Variants in RB1 observed in about 807,000 individuals in gnomAD.
RB1 encodes RB transcriptional corepressor 1, also known as retinoblastoma-associated protein.
In RB1, 18 loss-of-function variants were observed where a neutral mutation model predicts 135.4. The ratio of observed to expected loss-of-function variants is 0.13; its 90% CI spans 0.09 to 0.20. The LOEUF (loss-of-function observed/expected upper bound fraction) is 0.20. Among genes scored for constraint, RB1 ranks in the 10% least tolerant of loss-of-function variants. RB1 has a pLI of 1.00. For synonymous variants in RB1, 365 were observed against 373.2 expected, an observed-to-expected ratio of 0.98 and a Z score of 0.25; for missense variants, 868 against 1,110.0, an observed-to-expected ratio of 0.78 and a Z score of 3.10.
chr13:48,334,906 A>G (rs1483772109), intron 2 of RB1, among the ~76,000 whole-genome samples: 1 of 152,040 alleles, frequency 6.6e-6, no homozygotes, highest in Non-Finnish European at 1.5e-5. Context: ...TAAAATTTTG[A>G]TAAAGATTTT....
intron 10 of RB1, 91 bp downstream of exon 10, chr13:48,367,694 T>C (rs766872917): frequency 1.3e-5 from 19 of 1,415,306 alleles, no homozygotes; most frequent in Non-Finnish European, 1.8e-5. Context: ...TAGTGACCTT[T>C]AGATATCATT....
chr13:48,335,224 G>GT (rs1952372596), intron 2 of RB1, among the ~76,000 whole-genome samples: 1 of 151,778 alleles, frequency 6.6e-6, no homozygotes, highest in Non-Finnish European at 1.5e-5. Context: ...CCTTGAAACT[G>GT]TTTTGGGTTT....
chr13:48,376,871 G>T (rs1433193110), intron 12 of RB1, 47 bp from the exon 13 acceptor site: 2 of 1,610,134 alleles, frequency 1.2e-6, no homozygotes, highest in South Asian at 1.1e-5. Context: ...TATTAATTCT[G>T]ATTACACAGT....
At chr13:48,465,593 C>G (rs1949435880) in intron 23 of RB1, among the ~76,000 whole-genome samples, 1 of 152,074 alleles carries the variant, frequency 6.6e-6, no homozygotes, top group African/African-American at 2.4e-5. Flanking sequence ...GTCTACAGCT[C>G]CCAGCGTGAG....
intron 24 of RB1, among the ~76,000 whole-genome samples, chr13:48,475,255 TAAAAC>T (rs1362559096): frequency 1.3e-5 from 2 of 152,188 alleles, no homozygotes; most frequent in Non-Finnish European, 2.9e-5. Flanking sequence ...CTTAGTGACT[TAAAAC>T]AAACGCTTAT....
rs11332935 is a variant in RB1 at position 48,363,204 on chromosome 13, GT to G, written c.861+262del. 0.2 allele frequency among the ~76,000 whole-genome samples: 28,838 copies of G among 141,682 alleles called. 2,976 individuals carry two copies. Among genetic ancestry groups the G allele is most frequent in the South Asian group, 0.27 (1,222 of 4,514 alleles). 92.9% of individuals were successfully genotyped at this position (141,682 alleles called of 152,430 possible). ...ATCAAGACAATAGTTTTCAAATGTAGTTTTTTTTTTTTTTTATTCCTCTGAG... is the reference window on the plus strand; with the variant it reads ...ATCAAGACAATAGTTTTCAAATGTAGTTTTTTTTTTTTTTATTCCTCTGAG... On this transcript the variant is annotated intron_variant, in intron 8 of 26. Coordinates refer to ENST00000267163, the MANE Select transcript of RB1 (RefSeq NM_000321.3).
At chr13:48,342,932 A>G (rs140083960) in intron 3 of RB1, among the ~76,000 whole-genome samples, 1 of 152,192 alleles carries the variant, frequency 6.6e-6, no homozygotes, top group African/African-American at 2.4e-5. Context: ...GTCCTGGAAA[A>G]ATTTTCATTG....
intron 6 of RB1, among the ~76,000 whole-genome samples, chr13:48,350,135 T>G (rs1217535362): frequency 2.0e-5 from 3 of 152,084 alleles, no homozygotes; most frequent in African/African-American, 7.2e-5. Flanking sequence ...GGACAGATCT[T>G]CCAGACAGAA....
intron 4 of RB1, among the ~76,000 whole-genome samples, chr13:48,346,171 T>A (rs1439410410): frequency 1.3e-5 from 2 of 151,338 alleles, no homozygotes; most frequent in African/African-American, 4.8e-5. Flanking sequence ...AGGGAAATTT[T>A]TAATTATTAA....
At chr13:48,353,306 T>A (rs957857380) in intron 6 of RB1, among the ~76,000 whole-genome samples, 16 of 152,048 alleles carry the variant, frequency 1.1e-4, no homozygotes, top group African/African-American at 3.9e-4. Flanking sequence ...ATTAGTGGCT[T>A]CTATAAGCAA....
chr13:48,355,745 AG>A (rs1343012476), intron 6 of RB1, among the ~76,000 whole-genome samples: 1 of 152,144 alleles, frequency 6.6e-6, no homozygotes, highest in African/African-American at 2.4e-5. Flanking sequence ...GCCATAAAAA[AG>A]AACAAGGTCT....
chr13:48,356,043 TA>T (rs1012018900), intron 6 of RB1, among the ~76,000 whole-genome samples: 12 of 152,060 alleles, frequency 7.9e-5, no homozygotes, highest in African/African-American at 2.7e-4. Context: ...TTGTACATTT[TA>T]AAATAACTTA....
chr13:48,430,045 G>C (rs1364915492), intron 17 of RB1, among the ~76,000 whole-genome samples: 1 of 152,010 alleles, frequency 6.6e-6, no homozygotes, highest in East Asian at 1.9e-4. Flanking sequence ...AGATACTGTG[G>C]GTTATATCAC....
At chr13:48,363,050 T>G in intron 8 of RB1, 93 bp downstream of exon 8, 2 of 1,436,100 alleles carry the variant, frequency 1.4e-6, no homozygotes, top group Non-Finnish European at 1.9e-6. Flanking sequence ...TATGAGCATG[T>G]TTTTTTTGTA....
Position 48,307,400 on chromosome 13 carries a change from A to G in RB1, c.258A>G (p.Gly86=), listed in dbSNP as rs779405891. 6.2e-7 allele frequency: 1 copy of G among 1,613,244 alleles called. No homozygotes were observed. The highest frequency in any genetic ancestry group is 1.1e-5 in the South Asian group (1 of 90,952). The change falls in exon 2 of 27, where the codon GGA becomes GGG. Residue 86 remains glycine (G), a synonymous_variant. Transcript: ENST00000267163. The part of the protein sequence containing the change: ...LTWEKVSSVD[G]VLGGYIQKKK... ...GGGAGAAAGTTTCATCTGTGGATGG[A>G]GTATTGGTAAGGATTTTCTTAAAAC...
chr13:48,385,591 G>A (rs1486927626), intron 17 of RB1, among the ~76,000 whole-genome samples: 1 of 152,154 alleles, frequency 6.6e-6, no homozygotes, highest in Non-Finnish European at 1.5e-5. Flanking sequence ...GGCCACTGAA[G>A]AGAGTGGAAG....
chr13:48,431,445 T>C (rs917710296), intron 17 of RB1, among the ~76,000 whole-genome samples: 3 of 152,168 alleles, frequency 2.0e-5, no homozygotes, highest in Non-Finnish European at 4.4e-5. Context: ...CTTAACCCAC[T>C]TGGAATTCAA....
chr13:48,359,867 T>C (rs1174931159), intron 6 of RB1, 150 bp from the exon 7 acceptor site: 5 of 1,218,944 alleles, frequency 4.1e-6, no homozygotes, highest in African/African-American at 3.1e-5. Flanking sequence ...AGATTTTTTT[T>C]TTTTTTACAA....
At chr13:48,458,343 A>G (rs1237369041) in intron 19 of RB1, among the ~76,000 whole-genome samples, 1 of 152,172 alleles carries the variant, frequency 6.6e-6, no homozygotes, top group African/African-American at 2.4e-5. Flanking sequence ...GCATGCGTAT[A>G]TACTTCCTAG....
Sources: gnomAD v4.1 joint callset for allele counts (sites outside exome capture counted in the v4.1 genomes callset) on GRCh38, gnomAD v4.1.1 for gene constraint, MANE v1.5 for transcripts, NCBI Gene and HGNC (gene_info 2026-07-23, HGNC 2026-07-21) for gene names.